CLSTN2: variants seen among roughly 807,000 people sequenced by gnomAD.
CLSTN2 encodes calsyntenin 2, also known as calsyntenin-2.
Under a neutral mutation model 101.2 loss-of-function variants are expected in CLSTN2, and 48 were observed. That is an observed-to-expected ratio of 0.47 (90% confidence interval 0.38 to 0.60). The LOEUF (loss-of-function observed/expected upper bound fraction) is 0.60. Among genes scored for constraint, CLSTN2 ranks in the 20% least tolerant of loss-of-function variants. CLSTN2 has a pLI of 0.00. For missense variants in CLSTN2, 1,160 were observed against 1,238.2 expected (o/e 0.94, Z 0.95); for synonymous variants, 481 against 463.6 (o/e 1.04, Z -0.48).
intron 2 of CLSTN2, among the ~76,000 whole-genome samples, chr3:140,313,552 A>C (rs1288825486): frequency 6.6e-6 from 1 of 152,198 alleles, no homozygotes; most frequent in Non-Finnish European, 1.5e-5. Flanking sequence ...AGGAGGTGGC[A>C]GTTGCGGTCA....
intron 2 of CLSTN2, among the ~76,000 whole-genome samples, chr3:140,195,080 C>T (rs1252597168): frequency 6.6e-6 from 1 of 152,184 alleles, no homozygotes; most frequent in East Asian, 1.9e-4. Flanking sequence ...GGGAGCACCT[C>T]ATTACAGCCC....
intron 2 of CLSTN2, among the ~76,000 whole-genome samples, chr3:140,226,363 G>A (rs1298354100): frequency 5.9e-5 from 9 of 152,132 alleles, no homozygotes. Flanking sequence ...TGTTATCACT[G>A]GGAAAAGCTG....
intron 1 of CLSTN2, among the ~76,000 whole-genome samples, chr3:140,118,338 GA>G (rs1260209711): frequency 6.6e-6 from 1 of 152,114 alleles, no homozygotes; most frequent in Non-Finnish European, 1.5e-5. Flanking sequence ...GGAATTGAAA[GA>G]CAAAAGAAAA....
chr3:140,123,525 G>A lies in CLSTN2; in HGVS notation c.110-52426G>A, dbSNP rs147703499. Among the ~76,000 whole-genome samples, 38 of 152,234 alleles carry A rather than the reference G, an allele frequency of 2.5e-4. No individual in the cohort carries two copies. In the Middle Eastern group the frequency reaches 0.01, roughly 41 times the overall value. The stretch of plus-strand genomic sequence containing the variant: ...TCTAGAGCATGCGGGATACCTCAGA[G>A]GTCAAAGTAATCAGGGATCCTTGCC... On this transcript the variant is annotated intron_variant, in intron 1 of 16. Coordinates refer to ENST00000458420, the MANE Select transcript of CLSTN2 (RefSeq NM_022131.3).
Position 140,283,463 on chromosome 3 carries a change from C to T in CLSTN2, c.232+107390C>T, listed in dbSNP as rs1018801753. ...TTCCCTTTTATCCTGTAAACTGAGCCTGTGGAGTCAGTAAAGCTGATTGTA... is the reference window on the plus strand; with the variant it reads ...TTCCCTTTTATCCTGTAAACTGAGCTTGTGGAGTCAGTAAAGCTGATTGTA... On this transcript the variant is annotated intron_variant, in intron 2 of 16. Coordinates refer to ENST00000458420, the MANE Select transcript of CLSTN2 (RefSeq NM_022131.3). 4.6e-5 allele frequency among the ~76,000 whole-genome samples: 7 copies of T among 152,226 alleles called. No homozygotes were observed. The East Asian group carries it at 1.4e-3, about 29-fold the overall frequency.
intron 4 of CLSTN2, among the ~76,000 whole-genome samples, chr3:140,405,097 C>A (rs976332368): frequency 2.0e-5 from 3 of 152,258 alleles, no homozygotes. Context: ...GTGAGCCATG[C>A]CATCAGCTTG....
At chr3:140,049,913 G>T (rs1169883729) in intron 1 of CLSTN2, among the ~76,000 whole-genome samples, 1 of 151,992 alleles carries the variant, frequency 6.6e-6, no homozygotes, top group Non-Finnish European at 1.5e-5. Context: ...TCTGTTTTGG[G>T]CCCCAGGATC....
chr3:140,251,798 C>G (rs11709260), intron 2 of CLSTN2, among the ~76,000 whole-genome samples: 62 of 152,064 alleles, frequency 4.1e-4, no homozygotes, highest in Non-Finnish European at 7.9e-4. Context: ...AAGAAGTAAA[C>G]AGACAACACA....
chr3:140,512,711 C>A (rs1576606197), intron 8 of CLSTN2, among the ~76,000 whole-genome samples: 2 of 152,042 alleles, frequency 1.3e-5, no homozygotes, highest in East Asian at 1.9e-4. Context: ...AGCAGTATGC[C>A]CATTTTTAAG....
At chr3:140,364,006 C>T (rs1264324860) in intron 2 of CLSTN2, among the ~76,000 whole-genome samples, 18 of 152,176 alleles carry the variant, frequency 1.2e-4, no homozygotes, top group Non-Finnish European at 2.6e-4. Context: ...GGCATGTGGC[C>T]AGCACACACT....
At chr3:140,435,841 T>C (rs1483811096) in intron 5 of CLSTN2, among the ~76,000 whole-genome samples, 1 of 152,232 alleles carries the variant, frequency 6.6e-6, no homozygotes, top group Non-Finnish European at 1.5e-5. Context: ...CCCCTTTTCA[T>C]ATGCCTGTTT....
At chr3:140,471,802 AC>A (rs1411999074) in intron 8 of CLSTN2, among the ~76,000 whole-genome samples, 1 of 152,244 alleles carries the variant, frequency 6.6e-6, no homozygotes, top group Non-Finnish European at 1.5e-5. Flanking sequence ...CTCGTGCTGC[AC>A]TTCCAGTTGC....
At chr3:139,977,824 A>G (rs1167088409) in intron 1 of CLSTN2, among the ~76,000 whole-genome samples, 1 of 152,202 alleles carries the variant, frequency 6.6e-6, no homozygotes, top group African/African-American at 2.4e-5. Context: ...GCAGAGGTCA[A>G]ACACATTGTT....
At chr3:140,562,329 C>T in intron 13 of CLSTN2, 21 bp downstream of exon 13, 1 of 1,604,124 alleles carries the variant, frequency 6.2e-7, no homozygotes, top group Non-Finnish European at 8.5e-7. Context: ...ACTCAGCCCC[C>T]TTTGCCCCAA....
intron 1 of CLSTN2, among the ~76,000 whole-genome samples, chr3:140,006,076 A>T (rs933058673): frequency 6.6e-6 from 1 of 152,210 alleles, no homozygotes; most frequent in East Asian, 1.9e-4. Context: ...ATTCAATATA[A>T]TATACATGTT....
Position 140,404,794 on chromosome 3 carries a change from G to C in CLSTN2, c.637+28G>C, listed in dbSNP as rs370132679. 8.7e-6 allele frequency: 14 copies of C among 1,600,248 alleles called. No individual in the cohort carries two copies. The African/African-American group carries it at 1.7e-4, about 20-fold the overall frequency. ...GAGTGACCTCAGAGGACCCCTGTGG[G>C]GTCAGGAAAACAAATCCATCGCCTC... On this transcript the variant is annotated intron_variant, in intron 4 of 16. Transcript: ENST00000458420.
At chr3:140,358,942 G>A (rs2087700702) in intron 2 of CLSTN2, among the ~76,000 whole-genome samples, 1 of 152,030 alleles carries the variant, frequency 6.6e-6, no homozygotes, top group African/African-American at 2.4e-5. Flanking sequence ...AGAGAGCAGA[G>A]GCCACAGCTA....
intron 2 of CLSTN2, among the ~76,000 whole-genome samples, chr3:140,348,134 G>A (rs2087568053): frequency 6.6e-6 from 1 of 152,150 alleles, no homozygotes; most frequent in Admixed American, 6.5e-5. Flanking sequence ...CTTTGACCTT[G>A]GAAATGTTCT....
At chr3:140,179,210 A>C (rs2010370029) in intron 2 of CLSTN2, among the ~76,000 whole-genome samples, 1 of 152,202 alleles carries the variant, frequency 6.6e-6, no homozygotes, top group Non-Finnish European at 1.5e-5. Flanking sequence ...GAAACTGTGG[A>C]AAATACAGTG....
Sources: allele counts gnomAD v4.1 joint callset (sites outside exome capture counted in the v4.1 genomes callset), GRCh38; gene constraint gnomAD v4.1.1; transcripts MANE v1.5; gene names NCBI Gene and HGNC (gene_info 2026-07-23, HGNC 2026-07-21).